The following MMP28 variants were observed in gnomAD, a reference collection of about 807,000 sequenced individuals.
The protein encoded by MMP28 is matrix metalloproteinase-28.
In MMP28, 55 loss-of-function variants were observed where a neutral mutation model predicts 60.5. That is an observed-to-expected ratio of 0.91 (90% CI 0.73 to 1.14). The LOEUF is 1.14. Among genes scored for constraint, MMP28 ranks in the 50% most tolerant of loss-of-function variants. The pLI, the probability that MMP28 is intolerant of heterozygous loss-of-function variation, is 0.00. For missense variants in MMP28, 686 were observed against 738.3 expected (o/e 0.93, Z 0.82); for synonymous variants, 318 against 312.5 (o/e 1.02, Z -0.18).
At chr17:35,789,383 G>A (rs908743055) in intron 1 of MMP28, among the ~76,000 whole-genome samples, 1 of 152,174 alleles carries the variant, frequency 6.6e-6, no homozygotes, top group African/African-American at 2.4e-5. Context: ...GCCAAGTGAA[G>A]GAACTCTATG....
At position 35,770,140 on chromosome 17, in the gene MMP28, C is replaced by A; in HGVS notation, c.777G>T (p.Ala259=). The A allele has an allele frequency of 6.2e-7, 1 of 1,607,008 alleles. No homozygotes were observed. The highest frequency in any genetic ancestry group is 1.7e-5 in the Admixed American group (1 of 59,354). The change falls in exon 5 of 8, where the codon GCG becomes GCT. Residue 259 remains alanine (A), a synonymous_variant. Coordinates refer to ENST00000605424, the MANE Select transcript of MMP28 (RefSeq NM_024302.5). ...CGCGGCCCAGCCTCTTGTAGTAGGG[C>A]GCCATGAGCGCGCGCGGCGCGGGCG... ...THSPAPRALM[A]PYYKRLGRDA...
downstream of MMP28, among the ~76,000 whole-genome samples, chr17:35,762,428 A>G (rs1555601705): frequency 6.6e-6 from 1 of 152,118 alleles, no homozygotes; most frequent in Non-Finnish European, 1.5e-5. Context: ...TGTTTGCTGA[A>G]TGGGCGGCGG....
downstream of MMP28, among the ~76,000 whole-genome samples, chr17:35,762,972 A>G (rs1406163724): frequency 6.6e-6 from 1 of 152,072 alleles, no homozygotes; most frequent in Non-Finnish European, 1.5e-5. Context: ...AATACAAAAA[A>G]TTAGCTGGGC....
Position 35,767,925 on chromosome 17 carries a change from C to A in MMP28, c.1001-6G>T, listed in dbSNP as rs758632501. The stretch of plus-strand genomic sequence containing the variant: ...GTACAGTTGCTGTTGCCTGTCTGCC[C>A]AGAGACAAGAGAGAGTTGAGGAGTG... On this transcript the variant is annotated splice_polypyrimidine_tract_variant and splice_region_variant and intron_variant, in intron 6 of 7. Coordinates refer to ENST00000605424, the MANE Select transcript of MMP28 (RefSeq NM_024302.5). The A allele has an allele frequency of 1.3e-6, 2 of 1,571,262 alleles. No individual in the cohort carries two copies.
At chr17:35,793,899 G>GC (rs1428273389) in intron 1 of MMP28, among the ~76,000 whole-genome samples, 1 of 152,048 alleles carries the variant, frequency 6.6e-6, no homozygotes, top group African/African-American at 2.4e-5. Context: ...GGAGTTCGAG[G>GC]CCAGCCTGGC....
intron 1 of MMP28, among the ~76,000 whole-genome samples, chr17:35,785,671 T>C (rs1555610297): frequency 6.6e-6 from 1 of 152,116 alleles, no homozygotes; most frequent in Non-Finnish European, 1.5e-5. Flanking sequence ...ATGGTCTCGA[T>C]CTCTTGACCT....
chr17:35,790,140 C>T (rs2086772615), intron 1 of MMP28, among the ~76,000 whole-genome samples: 1 of 145,290 alleles, frequency 6.9e-6, no homozygotes, highest in Non-Finnish European at 1.5e-5. Flanking sequence ...GATCTCGGCT[C>T]ACTGCAACCT....
chr17:35,762,908 G>A (rs971431636), downstream of MMP28, among the ~76,000 whole-genome samples: 1 of 152,040 alleles, frequency 6.6e-6, no homozygotes, highest in African/African-American at 2.4e-5. Context: ...GGCAGATCAC[G>A]AGGTCAGATC....
Position 35,768,257 on chromosome 17 carries a change from G to A in MMP28, c.973C>T (p.His325Tyr). The A allele has an allele frequency of 6.2e-7, 1 of 1,609,988 alleles. No individual in the cohort carries two copies. The highest frequency in any genetic ancestry group is 8.5e-7 in the Non-Finnish European group (1 of 1,178,460). ...RPETQGPKYC[H>Y]SSFDAITVDR... ...ACAGTGATGGCATCGAAGGAAGAGT[G>A]GCAGTATTTAGGGCCCTGCGTTTCA... Residue 325 changes from histidine to tyrosine, a missense_variant, in exon 6 of 8, where the codon CAC becomes TAC. Coordinates refer to ENST00000605424, the MANE Select transcript of MMP28 (RefSeq NM_024302.5).
In MMP28 at chr17:35,773,304, C is replaced by T. The variant is rs1555606476; in HGVS notation, c.480G>A (p.Gln160=). 4.3e-6 allele frequency: 7 copies of T among 1,613,856 alleles called. No individual in the cohort carries two copies. In the South Asian group the frequency reaches 6.6e-5, roughly 15 times the overall value. ...CCAGCGCTGAGACGTTGCTCCACAA[C>T]TGGAAGGCGGCGCGCACGGCGCCCC... ...AVRGAVRAAF[Q]LWSNVSALEF... Residue 160 remains glutamine (Q), a synonymous_variant, in exon 4 of 8, where the codon CAG becomes CAA. Coordinates refer to ENST00000605424, the MANE Select transcript of MMP28 (RefSeq NM_024302.5).
rs11871504 is a variant in MMP28 at position 35,770,358 on chromosome 17, C to T, written c.605-46G>A. 4.6e-3 allele frequency: 6,700 copies of T among 1,452,258 alleles called. 258 individuals are homozygous for T. The African/African-American group carries it at 0.081, about 17-fold the overall frequency. The allele number at this position is 1,452,258 out of a possible 1,614,324, so 90.0% of individuals were successfully genotyped here. On this transcript the variant is annotated intron_variant, in intron 4 of 7. Coordinates refer to ENST00000605424, the MANE Select transcript of MMP28 (RefSeq NM_024302.5). ...CAGGGGGTGCCACGGCCCACGACGC[C>T]CCCAGGTACTCGCGGCCCAGCGCAA...
At chr17:35,787,479 T>G (rs2086685430) in intron 1 of MMP28, among the ~76,000 whole-genome samples, 1 of 151,936 alleles carries the variant, frequency 6.6e-6, no homozygotes. Context: ...GTCCTTCAGT[T>G]TTTTGTTTGT....
At chr17:35,760,106 C>A (rs782420806) in intron 2 of MMP28, among the ~76,000 whole-genome samples, 3 of 152,128 alleles carry the variant, frequency 2.0e-5, no homozygotes, top group Non-Finnish European at 4.4e-5. Context: ...ACTCCATTGC[C>A]CTCCACTCTC....
intron 3 of MMP28, among the ~76,000 whole-genome samples, chr17:35,776,781 C>T (rs914202779): frequency 6.6e-6 from 1 of 151,920 alleles, no homozygotes; most frequent in African/African-American, 2.4e-5. Context: ...CCTAGCTATT[C>T]AGGAGGCTGG....
Position 35,778,970 on chromosome 17 carries a change from AT to A in MMP28, c.296del (p.Tyr99LeufsTer19). 6.2e-7 allele frequency: 1 copy of A among 1,614,066 alleles called. No homozygotes were observed. The highest frequency in any genetic ancestry group is 1.1e-5 in the South Asian group (1 of 91,090). ...PRCGVTDTNS[Y>X]AAWAERISDL... ...CACTGATCCTCTCAGCCCAGGCCGC[AT>A]AACTGTTGGTATCTGTAACCCCGCA... is the stretch of plus-strand genomic sequence containing the variant. On this transcript the variant is annotated frameshift_variant, in exon 3 of 8. Coordinates refer to ENST00000605424, the MANE Select transcript of MMP28 (RefSeq NM_024302.5). LOFTEE classifies it high-confidence loss of function.
At chr17:35,783,181 G>A (rs565765377) in intron 1 of MMP28, among the ~76,000 whole-genome samples, 54 of 152,196 alleles carry the variant, frequency 3.5e-4, no homozygotes. Context: ...TCCACAAAGT[G>A]AGAATAAGTT....
intron 1 of MMP28, among the ~76,000 whole-genome samples, chr17:35,788,824 A>C (rs1271355499): frequency 6.6e-6 from 1 of 152,144 alleles, no homozygotes; most frequent in Non-Finnish European, 1.5e-5. Flanking sequence ...AAGCAAAGCA[A>C]ATGATAGATA....
chr17:35,766,848 G>A lies in MMP28; in HGVS notation c.1215C>T (p.Leu405=). The A allele has an allele frequency of 6.3e-7, 1 of 1,580,884 alleles. No individual in the cohort carries two copies. The highest frequency in any genetic ancestry group is 1.2e-5 in the South Asian group (1 of 86,088). The change falls in exon 8 of 8, where the codon CTC becomes CTT. Residue 405 remains leucine, a synonymous_variant. Transcript: ENST00000605424. This position sits in a 1 kb window ranked among gnomAD's most constrained non-coding sequence, Gnocchi z 4.3. ...RFRGPKPVWG[L]PQLCRAGGLP... ...GGCCCCCTGCCCGGCACAGCTGTGGGAGACCCCACACTGGCTTGGGGCCCC... is the reference window on the plus strand; with the variant it reads ...GGCCCCCTGCCCGGCACAGCTGTGGAAGACCCCACACTGGCTTGGGGCCCC...
Position 35,766,456 on chromosome 17 carries a change from T to A in MMP28, c.*44A>T. On this transcript the variant is annotated 3_prime_UTR_variant, in exon 8 of 8. Coordinates refer to ENST00000605424, the MANE Select transcript of MMP28 (RefSeq NM_024302.5). This position sits in a 1 kb window ranked among gnomAD's most constrained non-coding sequence, Gnocchi z 4.3. The stretch of plus-strand genomic sequence containing the variant: ...CTGCCCCGGGGGTGGGGAACATGAT[T>A]TTGCCCTGAGAGCACCACCAGTTTC... 1 of 1,518,334 alleles carries A rather than the reference T, an allele frequency of 6.6e-7. No individual in the cohort carries two copies. The highest frequency in any genetic ancestry group is 1.4e-5 in the African/African-American group (1 of 73,088). The allele number at this position is 1,518,334 out of a possible 1,614,324, so 94.1% of individuals were successfully genotyped here.
Sources: gnomAD v4.1 joint callset for allele counts (sites outside exome capture counted in the v4.1 genomes callset) on GRCh38, gnomAD v4.1.1 for gene constraint, Gnocchi (gnomAD v3.1) non-coding constraint, MANE v1.5 for transcripts, NCBI Gene and HGNC (gene_info 2026-07-23, HGNC 2026-07-21) for gene names.